The following OPTC variants were observed in gnomAD, a reference collection of about 807,000 sequenced individuals.
OPTC encodes the protein oculoglycan.
A neutral mutation model predicts 25.4 loss-of-function variants in OPTC; 22 were observed. That is an observed-to-expected ratio of 0.87 (90% CI 0.62 to 1.24). OPTC has a LOEUF of 1.24. Among genes scored for constraint, OPTC ranks in the 50% most tolerant of loss-of-function variants. OPTC has a pLI of 0.00. For missense variants in OPTC, 417 were observed against 425.2 expected, an observed-to-expected ratio of 0.98 and a Z score of 0.17; for synonymous variants, 169 against 179.3, an observed-to-expected ratio of 0.94 and a Z score of 0.46.
At position 203,503,563 on chromosome 1, in the gene OPTC, A is replaced by T. The variant is rs1661425909; in HGVS notation, c.842A>T (p.Glu281Val). The T allele has an allele frequency of 6.2e-7, 1 of 1,613,594 alleles. No homozygotes were observed. Among genetic ancestry groups the T allele is most frequent in the Admixed American group, 1.7e-5 (1 of 60,024 alleles). The change falls in exon 7 of 8, where the codon GAG becomes GTG. Residue 281 changes from glutamate (E) to valine (V), a missense_variant. Glu to Val is a moderately radical substitution (Grantham distance 121). Coordinates refer to ENST00000367222, the MANE Select transcript of OPTC (RefSeq NM_014359.4). ...TGTTCTTCCCAGAATAACCTGATAG[A>T]GACCATGCAGAGAGACGTCTTCTGT... ...RSVHLQNNLI[E>V]TMQRDVFCDP... is the part of the protein sequence containing the mutation.
At chr1:203,508,110 A>G (rs1468520086) in intron 7 of OPTC, among the ~76,000 whole-genome samples, 1 of 152,156 alleles carries the variant, frequency 6.6e-6, no homozygotes, top group Non-Finnish European at 1.5e-5. Context: ...AACATAAACA[A>G]TCTATAACAG....
intron 2 of OPTC, among the ~76,000 whole-genome samples, chr1:203,496,634 C>G (rs567487726): frequency 5.6e-4 from 85 of 152,312 alleles, no homozygotes; most frequent in African/African-American, 1.8e-3. Context: ...CCAGAAGCCC[C>G]TACTCAATTG....
chr1:203,502,879 C>G (rs1230457148), intron 5 of OPTC, 35 bp from the exon 6 acceptor site: 1 of 1,554,952 alleles, frequency 6.4e-7, no homozygotes, highest in South Asian at 1.1e-5. Flanking sequence ...CCAACAGGAC[C>G]CACCAGCCTC....
At chr1:203,508,314 C>T (rs1661531213) in intron 7 of OPTC, among the ~76,000 whole-genome samples, 1 of 152,176 alleles carries the variant, frequency 6.6e-6, no homozygotes, top group South Asian at 2.1e-4. Flanking sequence ...GGGGGGCTGC[C>T]TATGGAGCTT....
chr1:203,495,350 C>G (rs1661260396), intron 1 of OPTC, among the ~76,000 whole-genome samples: 1 of 152,180 alleles, frequency 6.6e-6, no homozygotes, highest in Non-Finnish European at 1.5e-5. Context: ...GAAACCCCTT[C>G]TCTACTAAAA....
intron 7 of OPTC, among the ~76,000 whole-genome samples, chr1:203,507,876 C>A (rs924091695): frequency 6.6e-5 from 10 of 152,182 alleles, no homozygotes; most frequent in Non-Finnish European, 1.5e-4. Flanking sequence ...ATTTCCCCAC[C>A]CTGACCTTGC....
At chr1:203,503,134 G>T in intron 6 of OPTC, 125 bp downstream of exon 6, 2 of 751,714 alleles carry the variant, frequency 2.7e-6, no homozygotes, top group South Asian at 2.9e-5. Context: ...TTGATTGGAG[G>T]GTTTATTGGA....
intron 1 of OPTC, among the ~76,000 whole-genome samples, chr1:203,494,575 G>A (rs1661248389): frequency 6.6e-6 from 1 of 152,102 alleles, no homozygotes; most frequent in African/African-American, 2.4e-5. Flanking sequence ...CCTGAGCCCA[G>A]GAGGTTAAGG....
chr1:203,503,108 C>A, intron 6 of OPTC, 99 bp downstream of exon 6: 1 of 905,676 alleles, frequency 1.1e-6, no homozygotes, highest in Non-Finnish European at 1.8e-6. Context: ...GAGGCTTAGG[C>A]AGCTGTGGGG....
At chr1:203,496,502 T>G (rs1661283065) in intron 2 of OPTC, among the ~76,000 whole-genome samples, 1 of 152,188 alleles carries the variant, frequency 6.6e-6, no homozygotes, top group Admixed American at 6.5e-5. Flanking sequence ...CGCAATGTCC[T>G]CATCATATTC....
intron 7 of OPTC, among the ~76,000 whole-genome samples, chr1:203,505,913 G>A (rs572806084): frequency 1.3e-5 from 2 of 151,758 alleles, no homozygotes; most frequent in Admixed American, 6.6e-5. Context: ...TTGTTACAGC[G>A]GAATCTCTCT....
At chr1:203,508,363 T>C (rs1393599655) in intron 7 of OPTC, among the ~76,000 whole-genome samples, 2 of 152,184 alleles carry the variant, frequency 1.3e-5, no homozygotes, top group Non-Finnish European at 2.9e-5. Context: ...AAGGCCTGTA[T>C]CCTTAGGAAG....
intron 5 of OPTC, 68 bp downstream of exon 5, chr1:203,499,919 C>A: frequency 8.0e-7 from 1 of 1,250,462 alleles, no homozygotes; most frequent in Non-Finnish European, 1.2e-6. Flanking sequence ...CCCACCTCCA[C>A]CACCTACCTC....
chr1:203,503,153 T>A (rs1558239456), intron 6 of OPTC, 144 bp downstream of exon 6: 1 of 708,972 alleles, frequency 1.4e-6, no homozygotes, highest in East Asian at 2.7e-5. Flanking sequence ...GAGACAAGGA[T>A]TGGGAGGTCT....
intron 5 of OPTC, among the ~76,000 whole-genome samples, 153 bp from the exon 6 acceptor site, chr1:203,502,761 C>T (rs1661410628): frequency 6.6e-6 from 1 of 152,222 alleles, no homozygotes. Flanking sequence ...TGGGCAACCC[C>T]TGTGGCACCC....
At chr1:203,505,660 G>C (rs897624865) in intron 7 of OPTC, among the ~76,000 whole-genome samples, 1 of 152,230 alleles carries the variant, frequency 6.6e-6, no homozygotes, top group Non-Finnish European at 1.5e-5. Flanking sequence ...GGGTGACTCA[G>C]GGTTGGACCA....
At chr1:203,501,832 T>C (rs6694878) in intron 5 of OPTC, among the ~76,000 whole-genome samples, 8,528 of 152,132 alleles carry the variant, frequency 0.056, 407 homozygotes, top group Admixed American at 0.16. Flanking sequence ...GGCCTCAGTT[T>C]TTCGGTCTCA....
intron 1 of OPTC, among the ~76,000 whole-genome samples, chr1:203,495,295 G>A (rs1312027233): frequency 1.3e-5 from 2 of 152,162 alleles, no homozygotes; most frequent in East Asian, 3.8e-4. Flanking sequence ...AGGGTGGGTG[G>A]ATCACCTAAG....
intron 7 of OPTC, among the ~76,000 whole-genome samples, chr1:203,508,287 C>T (rs1661530263): frequency 1.3e-5 from 2 of 152,186 alleles, no homozygotes; most frequent in Admixed American, 6.5e-5. Flanking sequence ...GGGAGGGCAT[C>T]ACCCAGGCTA....
Sources: allele counts gnomAD v4.1 joint callset (sites outside exome capture counted in the v4.1 genomes callset), GRCh38; gene constraint gnomAD v4.1.1; transcripts MANE v1.5; gene names NCBI Gene and HGNC (gene_info 2026-07-23, HGNC 2026-07-21).